EARS2: variants seen among roughly 807,000 people sequenced by gnomAD.
The protein encoded by EARS2 is glutamyl-tRNA synthetase 2, mitochondrial.
Under a neutral mutation model 54.1 loss-of-function variants are expected in EARS2, and 50 were observed. The ratio of observed to expected loss-of-function variants is 0.92; its 90% CI spans 0.74 to 1.17. EARS2 has a LOEUF of 1.17. EARS2 is among the 50% of genes most tolerant of loss of function. EARS2 has a pLI of 0.00. For synonymous variants in EARS2, 298 were observed against 281.0 expected, an observed-to-expected ratio of 1.06 and a Z score of -0.61; for missense variants, 673 against 675.0, an observed-to-expected ratio of 1.00 and a Z score of 0.03.
intron 2 of EARS2, 67 bp from the exon 3 acceptor site, chr16:23,544,770 A>G: frequency 7.4e-7 from 1 of 1,342,800 alleles, no homozygotes. Flanking sequence ...TGCTCTAAGC[A>G]CTTTATGCAC....
At chr16:23,550,594 C>T (rs933166669) in intron 2 of EARS2, among the ~76,000 whole-genome samples, 1 of 151,976 alleles carries the variant, frequency 6.6e-6, no homozygotes, top group Non-Finnish European at 1.5e-5. Flanking sequence ...CCCGCCACCA[C>T]GCCTGGCTAA....
At chr16:23,543,697 C>T (rs1347941934) in intron 3 of EARS2, among the ~76,000 whole-genome samples, 1 of 149,548 alleles carries the variant, frequency 6.7e-6, no homozygotes, top group Non-Finnish European at 1.5e-5. Flanking sequence ...TGCACCACTG[C>T]GCTCCAGCCT....
In EARS2 at chr16:23,524,984, A is replaced by G. The variant is rs1965200342; in HGVS notation, c.1488+260T>C. Reference sequence around the variant, plus strand: ...TAAGTAAGCTGTTGCTAGGTCTGTTATCCCCAATAAACTGCAAACCCCATG... The same window carrying G: ...TAAGTAAGCTGTTGCTAGGTCTGTTGTCCCCAATAAACTGCAAACCCCATG... On this transcript the variant is annotated intron_variant, in intron 8 of 8. Coordinates refer to ENST00000449606, the MANE Select transcript of EARS2 (RefSeq NM_001083614.2). 3 of 591,908 alleles carry G rather than the reference A, an allele frequency of 5.1e-6. No homozygotes were observed. The East Asian group carries it at 8.6e-5, about 17-fold the overall frequency. 36.7% of individuals were successfully genotyped at this position (591,908 alleles called of 1,614,324 possible).
rs1965181084 is a variant in EARS2, at chr16:23,523,902, C to T, written c.*469G>A. 6.4e-6 allele frequency: 1 copy of T among 157,464 alleles called. No homozygotes were observed. The highest frequency in any genetic ancestry group is 2.4e-5 in the African/African-American group (1 of 41,500). 9.8% of individuals were successfully genotyped at this position (157,464 alleles called of 1,614,324 possible). ...CAGTGAGAAGACAGCTGTCTGCAAG[C>T]CAACAAAAGAGGCCTCTAGGAAAAA... On this transcript the variant is annotated 3_prime_UTR_variant, in exon 9 of 9. Transcript: ENST00000449606.
At chr16:23,538,614 C>T (rs1356717600) in intron 3 of EARS2, among the ~76,000 whole-genome samples, 3 of 152,072 alleles carry the variant, frequency 2.0e-5, no homozygotes, top group South Asian at 4.1e-4. Flanking sequence ...CCCAGCATTT[C>T]GGGAGGACAA....
chr16:23,528,119 C>G lies in EARS2; in HGVS notation c.1352+1383G>C, dbSNP rs913866430. ...CCAGGAACAAGGCTCTCACCAGACA[C>G]TGAATCGGCGGCACCTTGACCCTGG... is the stretch of plus-strand genomic sequence containing the variant. On this transcript the variant is annotated intron_variant, in intron 7 of 8. Coordinates refer to ENST00000449606, the MANE Select transcript of EARS2 (RefSeq NM_001083614.2). Among the ~76,000 whole-genome samples, 7 of 152,302 alleles carry G rather than the reference C, an allele frequency of 4.6e-5. No homozygotes were observed. The East Asian group carries it at 1.2e-3, about 25-fold the overall frequency.
In EARS2 at chr16:23,548,058, G is replaced by A. The variant is rs146500846; in HGVS notation, c.296-3355C>T. Among the ~76,000 whole-genome samples, 318 of 151,710 alleles carry A rather than the reference G, an allele frequency of 2.1e-3. 11 individuals are homozygous for A. The East Asian group carries it at 0.032, about 15-fold the overall frequency. ...ATCCTGGCTAACACAGTGAAACCCCGTCTCTACTAAAAATACAAAAACAAA... is the reference window on the plus strand; with the variant it reads ...ATCCTGGCTAACACAGTGAAACCCCATCTCTACTAAAAATACAAAAACAAA... On this transcript the variant is annotated intron_variant, in intron 2 of 8. Coordinates refer to ENST00000449606, the MANE Select transcript of EARS2 (RefSeq NM_001083614.2).
chr16:23,539,275 TA>T (rs1252668524), intron 3 of EARS2, among the ~76,000 whole-genome samples: 1 of 152,240 alleles, frequency 6.6e-6, no homozygotes, highest in Admixed American at 6.5e-5. Flanking sequence ...TAGTTTCAAC[TA>T]AGCTTTTACA....
chr16:23,545,525 C>A (rs550769754), intron 2 of EARS2, among the ~76,000 whole-genome samples: 1 of 152,280 alleles, frequency 6.6e-6, no homozygotes, highest in East Asian at 1.9e-4. Context: ...CGGTTATTCC[C>A]CCACTCTGTG....
intron 4 of EARS2, 77 bp from the exon 5 acceptor site, chr16:23,532,842 A>C: frequency 9.4e-7 from 1 of 1,062,454 alleles, no homozygotes; most frequent in Non-Finnish European, 1.4e-6. Context: ...TTTTTAAGAG[A>C]CAGGATCTTG....
intron 3 of EARS2, among the ~76,000 whole-genome samples, chr16:23,535,723 GA>G (rs1965406905): frequency 6.6e-6 from 1 of 152,188 alleles, no homozygotes; most frequent in African/African-American, 2.4e-5. Flanking sequence ...GGGATGCAAA[GA>G]AAAGCATGCC....
At chr16:23,547,902 G>C (rs956193727) in intron 2 of EARS2, among the ~76,000 whole-genome samples, 1 of 151,296 alleles carries the variant, frequency 6.6e-6, no homozygotes, top group Non-Finnish European at 1.5e-5. Context: ...TTCGAAACCA[G>C]CCTGGGCAAC....
Position 23,557,255 on chromosome 16 carries a change from C to T in EARS2, c.89G>A (p.Gly30Asp), listed in dbSNP as rs1033004827. The T allele has an allele frequency of 5.9e-6, 9 of 1,523,104 alleles. No individual in the cohort carries two copies. Among genetic ancestry groups the T allele is most frequent in the Admixed American group, 2.2e-5 (1 of 45,360 alleles). 94.3% of individuals were successfully genotyped at this position (1,523,104 alleles called of 1,614,324 possible). A position where few individuals can be genotyped will look rare whatever the true frequency, so the allele number is the denominator to read the frequency against. Residue 30 changes from glycine to aspartate, a missense_variant, in exon 1 of 9, where the codon GGC becomes GAC. By Grantham distance (94) the Gly-to-Asp change is moderately conservative. Coordinates refer to ENST00000449606, the MANE Select transcript of EARS2 (RefSeq NM_001083614.2). ...TCGCACCGCAACCCCGGCATCAGTG[C>T]CCAGGTTGGCCTCGCGCCGTCCTAC... ...RPVGRREANL[G>D]TDAGVAVRVR...
rs901043430 is a variant in EARS2 at position 23,521,812 on chromosome 16, C to T, written c.*2559G>A. The stretch of plus-strand genomic sequence containing the variant: ...ACTCACTTGACCATGAGCCAAGAAG[C>T]TCCTTTTAACCATTCTTAATGTCTT... On this transcript the variant is annotated 3_prime_UTR_variant, in exon 9 of 9. Coordinates refer to ENST00000449606, the MANE Select transcript of EARS2 (RefSeq NM_001083614.2). The T allele has an allele frequency of 1.8e-5, 8 of 455,886 alleles. No individual in the cohort carries two copies. Among genetic ancestry groups the T allele is most frequent in the African/African-American group, 1.6e-4 (8 of 50,062 alleles). The allele number at this position is 455,886 out of a possible 1,614,324, so 28.2% of individuals were successfully genotyped here. A position where few individuals can be genotyped will look rare whatever the true frequency, so the allele number is the denominator to read the frequency against.
At chr16:23,540,546 G>A (rs1051136137) in intron 3 of EARS2, among the ~76,000 whole-genome samples, 1 of 152,236 alleles carries the variant, frequency 6.6e-6, no homozygotes, top group Non-Finnish European at 1.5e-5. Flanking sequence ...TCCACCTCTA[G>A]GAAGGTATTC....
chr16:23,550,186 C>A (rs983067059), intron 2 of EARS2, among the ~76,000 whole-genome samples: 1 of 151,852 alleles, frequency 6.6e-6, no homozygotes, highest in African/African-American at 2.4e-5. Context: ...CATAGCAAGA[C>A]CCTACCTCTA....
intron 1 of EARS2, chr16:23,553,077 A>G: frequency 2.5e-6 from 1 of 404,156 alleles, no homozygotes; most frequent in South Asian, 1.7e-5. Flanking sequence ...GCAGCGAGCC[A>G]TGATCACGCC....
chr16:23,546,449 A>C (rs1965604482), intron 2 of EARS2: 1 of 455,950 alleles, frequency 2.2e-6, no homozygotes, highest in Admixed American at 2.3e-5. Context: ...CAAAGAAGGA[A>C]ACAAGTAGTA....
At chr16:23,531,539 G>A (rs1018779763) in intron 5 of EARS2, among the ~76,000 whole-genome samples, 3 of 152,122 alleles carry the variant, frequency 2.0e-5, no homozygotes, top group African/African-American at 7.2e-5. Context: ...GGGATTACAG[G>A]TGTGAGCCAC....
Sources: gnomAD v4.1 joint callset for allele counts (sites outside exome capture counted in the v4.1 genomes callset) on GRCh38, gnomAD v4.1.1 for gene constraint, MANE v1.5 for transcripts, NCBI Gene and HGNC (gene_info 2026-07-23, HGNC 2026-07-21) for gene names.